The following SEPTIN14 variants were observed in gnomAD, a reference collection of about 807,000 sequenced individuals.
The protein encoded by SEPTIN14 is septin 14, also known as septin-14.
SEPTIN14 carries 40 observed loss-of-function variants against 53.6 expected under a neutral mutation model. The ratio of observed to expected loss-of-function variants is 0.75; its 90% CI spans 0.58 to 0.97. The LOEUF (loss-of-function observed/expected upper bound fraction) is 0.97. SEPTIN14 is among the 50% of genes least tolerant of loss of function. The pLI is 0.00. For synonymous variants in SEPTIN14, 138 were observed against 166.8 expected (o/e 0.83, Z 1.33); for missense variants, 471 against 508.2 (o/e 0.93, Z 0.70).
At chr7:55,799,908 T>A (rs963049242) in intron 9 of SEPTIN14, among the ~76,000 whole-genome samples, 1 of 152,154 alleles carries the variant, frequency 6.6e-6, no homozygotes, top group African/African-American at 2.4e-5. Context: ...ATAGATAGAT[T>A]ATTTCACTGA....
chr7:55,810,824 A>G (rs1050852487), intron 7 of SEPTIN14: 6 of 290,754 alleles, frequency 2.1e-5, no homozygotes, highest in South Asian at 1.7e-4. Flanking sequence ...TGCACAGACC[A>G]GGGATCATGA....
At chr7:55,830,687 G>C (rs1413658692) in intron 6 of SEPTIN14, among the ~76,000 whole-genome samples, 1 of 151,406 alleles carries the variant, frequency 6.6e-6, no homozygotes, top group African/African-American at 2.4e-5. Context: ...GGTGAACAGT[G>C]GTCAATAATA....
intron 9 of SEPTIN14, 112 bp downstream of exon 9, chr7:55,805,146 A>G: frequency 1.0e-6 from 1 of 972,954 alleles, no homozygotes. Context: ...CTACTTTTTG[A>G]AAAATAGCAA....
At chr7:55,834,967 G>A (rs1434702434) in intron 5 of SEPTIN14, among the ~76,000 whole-genome samples, 1 of 152,068 alleles carries the variant, frequency 6.6e-6, no homozygotes, top group Non-Finnish European at 1.5e-5. Context: ...TTATAGTAAA[G>A]CCTTCACAAT....
At chr7:55,841,530 G>A (rs1789310878) in intron 5 of SEPTIN14, among the ~76,000 whole-genome samples, 1 of 151,880 alleles carries the variant, frequency 6.6e-6, no homozygotes, top group Non-Finnish European at 1.5e-5. Context: ...GACCAGCCTG[G>A]CCAACATGGC....
rs181989269 is a variant in SEPTIN14 at position 55,848,674 on chromosome 7, G to A, written c.55-2037C>T. The stretch of plus-strand genomic sequence containing the variant: ...CGCCCAGGCTGCAGTGCAGTGGCAC[G>A]ATGGCTCACTGCAAGCTCCGCTTCC... On this transcript the variant is annotated intron_variant, in intron 2 of 9. Transcript: ENST00000388975. 4.2e-3 allele frequency among the ~76,000 whole-genome samples: 615 copies of A among 145,224 alleles called. 11 individuals carry two copies. Among genetic ancestry groups the A allele is most frequent in the Admixed American group, 0.032 (443 of 14,032 alleles).
intron 5 of SEPTIN14, among the ~76,000 whole-genome samples, chr7:55,834,976 ATC>A (rs1172252032): frequency 1.3e-5 from 2 of 151,994 alleles, no homozygotes; most frequent in African/African-American, 4.8e-5. Context: ...AGCCTTCACA[ATC>A]TCTGACAACA....
chr7:55,829,820 CAAAA>C (rs35998043), intron 6 of SEPTIN14, among the ~76,000 whole-genome samples: 814 of 37,458 alleles, frequency 0.022, 6 homozygotes, highest in Non-Finnish European at 0.029. Context: ...GACTCCATCT[CAAAA>C]AAAAAAAAAA....
In SEPTIN14 at chr7:55,800,776, A is replaced by T. The variant is rs149467010; in HGVS notation, c.1119+4482T>A. ...AATAAGACGCAGTATTTGATAGCAC[A>T]ACAGGGTCACTATACACAATAATAA... is the stretch of plus-strand genomic sequence containing the variant. On this transcript the variant is annotated intron_variant, in intron 9 of 9. Transcript: ENST00000388975. Among the ~76,000 whole-genome samples, 72 of 152,346 alleles carry T rather than the reference A, an allele frequency of 4.7e-4. 1 individual carries two copies. The East Asian group carries it at 0.013, about 28-fold the overall frequency.
intron 5 of SEPTIN14, among the ~76,000 whole-genome samples, chr7:55,841,305 G>A (rs377206611): frequency 2.0e-5 from 3 of 152,142 alleles, no homozygotes; most frequent in Non-Finnish European, 4.4e-5. Context: ...TTGGTCTCTC[G>A]TGTGCCCATC....
chr7:55,850,566 CT>C (rs1276336346), intron 2 of SEPTIN14, among the ~76,000 whole-genome samples: 7 of 152,020 alleles, frequency 4.6e-5, no homozygotes, highest in Non-Finnish European at 8.8e-5. Flanking sequence ...TGCAAAAATT[CT>C]TTTTTACTAC....
At position 55,862,017 on chromosome 7, in the gene SEPTIN14, A is replaced by T; in HGVS notation, c.-15-6T>A. On this transcript the variant is annotated splice_polypyrimidine_tract_variant and splice_region_variant and intron_variant, in intron 1 of 9. Coordinates refer to ENST00000388975, the MANE Select transcript of SEPTIN14 (RefSeq NM_207366.3). ...GCCATGCTACACTAAAAGAGCTGGA[A>T]ATTTAAAAAAATAAACATTTTTAAA... 1 of 1,526,018 alleles carries T rather than the reference A, an allele frequency of 6.6e-7. No homozygotes were observed. The highest frequency in any genetic ancestry group is 8.8e-7 in the Non-Finnish European group (1 of 1,133,466). 94.5% of individuals were successfully genotyped at this position (1,526,018 alleles called of 1,614,324 possible).
intron 2 of SEPTIN14, among the ~76,000 whole-genome samples, chr7:55,859,636 T>G (rs1789708141): frequency 6.6e-6 from 1 of 152,170 alleles, no homozygotes; most frequent in Non-Finnish European, 1.5e-5. Flanking sequence ...CTCCCTTCAC[T>G]TCTTTTATCC....
At chr7:55,840,811 A>G (rs922822278) in intron 5 of SEPTIN14, among the ~76,000 whole-genome samples, 9 of 152,334 alleles carry the variant, frequency 5.9e-5, no homozygotes, top group East Asian at 1.9e-4. Flanking sequence ...ACATAATGGC[A>G]TTTCAGTAAA....
At chr7:55,800,899 GATT>G (rs1349291751) in intron 9 of SEPTIN14, among the ~76,000 whole-genome samples, 1 of 152,048 alleles carries the variant, frequency 6.6e-6, no homozygotes, top group Non-Finnish European at 1.5e-5. Context: ...AACTTGATGT[GATT>G]ATTACACATT....
chr7:55,825,175 C>A lies in SEPTIN14; in HGVS notation c.721-5952G>T, dbSNP rs139412437. 9.5e-4 allele frequency among the ~76,000 whole-genome samples: 145 copies of A among 152,184 alleles called. 2 individuals carry two copies. The highest frequency in any genetic ancestry group is 3.3e-3 in the African/African-American group (138 of 41,520). On this transcript the variant is annotated intron_variant, in intron 6 of 9. Coordinates refer to ENST00000388975, the MANE Select transcript of SEPTIN14 (RefSeq NM_207366.3). The stretch of plus-strand genomic sequence containing the variant: ...ATATTATTTAATAATGAGAAATCAG[C>A]TATCAAGCCACAAAAAAAGACACAG...
intron 1 of SEPTIN14, 123 bp from the exon 2 acceptor site, chr7:55,862,134 C>T (rs1179169151): frequency 2.6e-5 from 16 of 622,846 alleles, no homozygotes; most frequent in African/African-American, 1.9e-4. Flanking sequence ...TTTTAGTTCA[C>T]ACTATTCATC....
chr7:55,838,881 C>A (rs181172222), intron 5 of SEPTIN14, among the ~76,000 whole-genome samples: 1 of 152,166 alleles, frequency 6.6e-6, no homozygotes, highest in Admixed American at 6.5e-5. Flanking sequence ...CCGTAATCAA[C>A]AGCAGTCCAA....
At chr7:55,849,485 C>T (rs946740746) in intron 2 of SEPTIN14, among the ~76,000 whole-genome samples, 1 of 152,070 alleles carries the variant, frequency 6.6e-6, no homozygotes, top group African/African-American at 2.4e-5. Flanking sequence ...GTGGCTCATG[C>T]CTGTAATCCC....
Sources: allele counts gnomAD v4.1 joint callset (sites outside exome capture counted in the v4.1 genomes callset), GRCh38; gene constraint gnomAD v4.1.1; transcripts MANE v1.5; gene names NCBI Gene and HGNC (gene_info 2026-07-23, HGNC 2026-07-21).